Variants in GPC3 observed in about 807,000 individuals in gnomAD.
The protein encoded by GPC3 is glypican 3.
Under a neutral mutation model 34.4 loss-of-function variants are expected in GPC3, and 3 were observed. The ratio of observed to expected loss-of-function variants is 0.09; its 90% CI spans 0.04 to 0.23. The LOEUF is 0.23. Ranked by LOEUF, GPC3 falls within the 10% of genes least tolerant of loss-of-function variation. GPC3 has a pLI of 1.00. For synonymous variants in GPC3, 177 were observed against 174.0 expected (o/e 1.02, Z -0.13); for missense variants, 351 against 445.6 (o/e 0.79, Z 1.91).
At chrX:133,826,946 C>T (rs948052711) in intron 2 of GPC3, among the ~76,000 whole-genome samples, 2 of 111,997 alleles carry the variant, frequency 1.8e-5, no homozygotes, top group African/African-American at 6.5e-5. Flanking sequence ...CAAAACTATG[C>T]CTCTAATGAA....
intron 6 of GPC3, among the ~76,000 whole-genome samples, chrX:133,602,502 A>G (rs926903333): frequency 1.8e-5 from 2 of 111,428 alleles, no homozygotes; most frequent in African/African-American, 3.3e-5. Flanking sequence ...CTAATGCCTG[A>G]TGATCCGAGG....
chrX:133,728,504 G>A (rs753376865), intron 3 of GPC3, among the ~76,000 whole-genome samples: 52 of 112,348 alleles, frequency 4.6e-4, no homozygotes, highest in Middle Eastern at 4.6e-3. Context: ...GTCACAAAGT[G>A]TTGATTTAGA....
intron 5 of GPC3, 24 bp downstream of exon 5, chrX:133,692,345 T>A: frequency 8.3e-7 from 1 of 1,201,635 alleles, no homozygotes. Context: ...AATATTGCTA[T>A]ATGTAACTTT....
intron 6 of GPC3, among the ~76,000 whole-genome samples, chrX:133,654,717 AC>A (rs201131618): frequency 3.8e-5 from 4 of 105,804 alleles, no homozygotes; most frequent in South Asian, 4.1e-4. Flanking sequence ...GTCTCAAAAA[AC>A]AAAAAACAAA....
At chrX:133,859,190 G>A (rs1273122679) in intron 2 of GPC3, among the ~76,000 whole-genome samples, 1 of 110,891 alleles carries the variant, frequency 9.0e-6, no homozygotes, top group Non-Finnish European at 1.9e-5. Context: ...AGTGAATTAA[G>A]GCTCTGTCTG....
chrX:133,619,132 T>C (rs960901929), intron 6 of GPC3, among the ~76,000 whole-genome samples: 5 of 112,399 alleles, frequency 4.4e-5, no homozygotes, highest in Non-Finnish European at 9.4e-5. Flanking sequence ...CACAATGAGA[T>C]ACTATTTCAC....
chrX:133,622,390 G>A (rs1405196824), intron 6 of GPC3, among the ~76,000 whole-genome samples: 1 of 111,728 alleles, frequency 9.0e-6, no homozygotes, highest in East Asian at 2.8e-4. Context: ...CAAGCCCATC[G>A]CAAAGAAGCT....
chrX:133,547,485 C>A (rs2069396280), intron 7 of GPC3, among the ~76,000 whole-genome samples: 1 of 110,685 alleles, frequency 9.0e-6, no homozygotes, highest in African/African-American at 3.3e-5. Flanking sequence ...AGCATCCATG[C>A]CAAATGGTAC....
At chrX:133,558,919 A>G (rs1178741352) in intron 7 of GPC3, among the ~76,000 whole-genome samples, 1 of 108,231 alleles carries the variant, frequency 9.2e-6, no homozygotes. Context: ...AAATAAATAA[A>G]TAAATAAATA....
chrX:133,964,432 C>T (rs1196039255), intron 1 of GPC3, among the ~76,000 whole-genome samples: 1 of 111,075 alleles, frequency 9.0e-6, no homozygotes, highest in African/African-American at 3.3e-5. Flanking sequence ...ATTGCCTTCC[C>T]GTGGCAAAAA....
intron 6 of GPC3, among the ~76,000 whole-genome samples, chrX:133,655,502 A>ACACC (rs1387600187): frequency 9.5e-6 from 1 of 105,639 alleles, no homozygotes; most frequent in Admixed American, 1.0e-4. Flanking sequence ...ACACACACAC[A>ACACC]CACCCACACA....
intron 2 of GPC3, among the ~76,000 whole-genome samples, chrX:133,849,204 C>G (rs12014215): frequency 0.046 from 4,769 of 104,723 alleles, 300 homozygotes; most frequent in African/African-American, 0.16. Flanking sequence ...ACGCCATTCT[C>G]CTGCCTCAGC....
intron 3 of GPC3, among the ~76,000 whole-genome samples, chrX:133,706,033 C>T (rs1400000336): frequency 2.7e-5 from 3 of 111,791 alleles, no homozygotes; most frequent in Non-Finnish European, 5.6e-5. Context: ...GGGTTGGCTA[C>T]AAAATCTTCG....
At position 133,849,260 on chromosome X, in the gene GPC3, A is replaced by G. The variant is rs184613317; in HGVS notation, c.338-95084T>C. 4.6e-5 allele frequency among the ~76,000 whole-genome samples: 5 copies of G among 109,382 alleles called. No individual in the cohort carries two copies. In the East Asian group the frequency reaches 1.2e-3, roughly 25 times the overall value. 95.0% of individuals were successfully genotyped at this position (109,382 alleles called of 115,157 possible). A position where few individuals can be genotyped will look rare whatever the true frequency, so the allele number is the denominator to read the frequency against. On this transcript the variant is annotated intron_variant, in intron 2 of 7. Transcript: ENST00000370818. ...CAGGCGCCCGCCAACACGCCCGGCTAATGAACTAAAGATGTTTTAAAAATA... is the reference window on the plus strand; with the variant it reads ...CAGGCGCCCGCCAACACGCCCGGCTGATGAACTAAAGATGTTTTAAAAATA...
chrX:133,576,155 G>A (rs1012392222), intron 7 of GPC3, among the ~76,000 whole-genome samples: 1 of 112,277 alleles, frequency 8.9e-6, no homozygotes, highest in African/African-American at 3.2e-5. Context: ...AGCTATGTGT[G>A]CTGGGTCATA....
chrX:133,850,194 G>GT (rs749809263), intron 2 of GPC3, among the ~76,000 whole-genome samples: 3,013 of 67,880 alleles, frequency 0.044, 92 homozygotes, highest in Non-Finnish European at 0.059. Context: ...TTTGGGTTTT[G>GT]TTTTTTTTTT....
At chrX:133,931,567 T>C (rs1014665158) in intron 2 of GPC3, among the ~76,000 whole-genome samples, 5 of 111,584 alleles carry the variant, frequency 4.5e-5, no homozygotes, top group African/African-American at 1.6e-4. Flanking sequence ...ATTTCCCTCA[T>C]ACATCAAATG....
chrX:133,671,184 G>T, intron 5 of GPC3: 1 of 1,155,881 alleles, frequency 8.7e-7, no homozygotes, highest in Non-Finnish European at 1.2e-6. Context: ...TTTGGTGGTG[G>T]CAAGACAACT....
chrX:133,692,323 A>C lies in GPC3; in HGVS notation c.1292+46T>G, dbSNP rs1291510139. 1.1e-5 allele frequency: 13 copies of C among 1,158,931 alleles called. No homozygotes were observed. In the South Asian group the frequency reaches 1.4e-4, roughly 13 times the overall value. ...ATTAACTTTTATATAAACATATGACAATTATTCCTCAAATATTGCTATATG... is the reference window on the plus strand; with the variant it reads ...ATTAACTTTTATATAAACATATGACCATTATTCCTCAAATATTGCTATATG... On this transcript the variant is annotated intron_variant, in intron 5 of 7. Transcript: ENST00000370818.
Sources: gnomAD v4.1 joint callset for allele counts (sites outside exome capture counted in the v4.1 genomes callset) on GRCh38, gnomAD v4.1.1 for gene constraint, MANE v1.5 for transcripts, NCBI Gene and HGNC (gene_info 2026-07-23, HGNC 2026-07-21) for gene names.